Variants in BRINP3 observed in about 807,000 individuals in gnomAD.
BRINP3 encodes BMP/retinoic acid-inducible neural-specific protein 3.
A neutral mutation model predicts 71.0 loss-of-function variants in BRINP3; 19 were observed. The observed-to-expected ratio is 0.27, with a 90% CI of 0.19 to 0.39. The LOEUF (loss-of-function observed/expected upper bound fraction) is 0.39. Among genes scored for constraint, BRINP3 ranks in the 10% least tolerant of loss-of-function variants. BRINP3 has a pLI of 1.00. For missense variants in BRINP3, 959 were observed against 940.8 expected (o/e 1.02, Z -0.25); for synonymous variants, 380 against 337.7 (o/e 1.13, Z -1.37).
intron 4 of BRINP3, among the ~76,000 whole-genome samples, chr1:190,257,239 T>C (rs1571536937): frequency 6.6e-6 from 1 of 152,316 alleles, no homozygotes; most frequent in African/African-American, 2.4e-5. Context: ...ATTAATTTGA[T>C]CTTCAATCAT....
intron 2 of BRINP3, among the ~76,000 whole-genome samples, chr1:190,358,751 C>G (rs186085105): frequency 2.0e-5 from 3 of 151,996 alleles, no homozygotes; most frequent in African/African-American, 7.2e-5. Flanking sequence ...GCAAAGACTT[C>G]GGACCAACCC....
At chr1:190,350,975 A>G (rs1558207317) in intron 2 of BRINP3, among the ~76,000 whole-genome samples, 1 of 152,014 alleles carries the variant, frequency 6.6e-6, no homozygotes, top group African/African-American at 2.4e-5. Flanking sequence ...GGCATGTGCC[A>G]TCATGCCAGG....
chr1:190,468,716 G>A (rs1676930805), intron 1 of BRINP3, among the ~76,000 whole-genome samples: 1 of 151,066 alleles, frequency 6.6e-6, no homozygotes, highest in South Asian at 2.1e-4. Flanking sequence ...TTGCAAAATT[G>A]TATATCTTTT....
intron 4 of BRINP3, among the ~76,000 whole-genome samples, chr1:190,251,320 C>A (rs1340181355): frequency 6.6e-6 from 1 of 151,832 alleles, no homozygotes; most frequent in Non-Finnish European, 1.5e-5. Context: ...TTCTAAGCAC[C>A]TTAAAAATAT....
chr1:190,182,492 T>C (rs1653114108), intron 6 of BRINP3, among the ~76,000 whole-genome samples: 1 of 152,178 alleles, frequency 6.6e-6, no homozygotes, highest in Non-Finnish European at 1.5e-5. Context: ...TGTTCTGTTT[T>C]AGTTACAATT....
At chr1:190,369,794 T>C (rs1669743455) in intron 2 of BRINP3, among the ~76,000 whole-genome samples, 1 of 152,138 alleles carries the variant, frequency 6.6e-6, no homozygotes, top group African/African-American at 2.4e-5. Flanking sequence ...GACATAATGG[T>C]CAGATCTAAA....
At chr1:190,157,966 C>T (rs189642806) in intron 7 of BRINP3, among the ~76,000 whole-genome samples, 2 of 152,016 alleles carry the variant, frequency 1.3e-5, no homozygotes, top group African/African-American at 4.8e-5. Context: ...TTTGCAGTAA[C>T]ATGAATGCAG....
At chr1:190,187,229 G>T (rs571022945) in intron 6 of BRINP3, among the ~76,000 whole-genome samples, 1 of 152,056 alleles carries the variant, frequency 6.6e-6, no homozygotes, top group Non-Finnish European at 1.5e-5. Context: ...TGGCTAATTT[G>T]TTTTATTGCT....
intron 2 of BRINP3, among the ~76,000 whole-genome samples, chr1:190,367,742 C>T (rs34491475): frequency 0.016 from 2,499 of 152,258 alleles, 37 homozygotes; most frequent in Non-Finnish European, 0.025. Flanking sequence ...GGGCAAAATG[C>T]CACCAGTCTC....
intron 2 of BRINP3, among the ~76,000 whole-genome samples, chr1:190,450,574 T>G (rs1675539768): frequency 6.6e-6 from 1 of 152,168 alleles, no homozygotes; most frequent in Admixed American, 6.5e-5. Flanking sequence ...AAAACAACTC[T>G]TTATCAGTAA....
chr1:190,118,488 C>T (rs959046805), intron 7 of BRINP3, among the ~76,000 whole-genome samples: 1 of 152,116 alleles, frequency 6.6e-6, no homozygotes. Context: ...CTAAACATCT[C>T]GCCTTTATTA....
chr1:190,214,456 T>C (rs1656235436), intron 6 of BRINP3, among the ~76,000 whole-genome samples: 1 of 151,954 alleles, frequency 6.6e-6, no homozygotes, highest in Non-Finnish European at 1.5e-5. Context: ...AAACTGAATA[T>C]CTTGTGATTT....
intron 7 of BRINP3, among the ~76,000 whole-genome samples, chr1:190,119,205 A>C (rs112406783): frequency 6.6e-6 from 1 of 152,014 alleles, no homozygotes; most frequent in African/African-American, 2.4e-5. Flanking sequence ...AATAGTTTCC[A>C]AATCTTTAAA....
Position 190,403,973 on chromosome 1 carries a change from T to C in BRINP3, c.236+50682A>G, listed in dbSNP as rs1672103244. ...ACTGTATGAACTGTATGTGAATTTA[T>C]TTGGAATTTACAATATGCCAGATAA... On this transcript the variant is annotated intron_variant, in intron 2 of 7. Transcript: ENST00000367462. Among the ~76,000 whole-genome samples, 3 of 152,200 alleles carry C rather than the reference T, an allele frequency of 2.0e-5. 1 individual carries two copies. Among genetic ancestry groups the C allele is most frequent in the South Asian group, 2.1e-4 (1 of 4,836 alleles).
At chr1:190,455,005 G>C (rs1315541459) in intron 1 of BRINP3, 65 bp from the exon 2 acceptor site, 1 of 711,226 alleles carries the variant, frequency 1.4e-6, no homozygotes, top group African/African-American at 1.8e-5. Flanking sequence ...TTAAGGTGTT[G>C]AGGTGGCTAA....
intron 7 of BRINP3, among the ~76,000 whole-genome samples, chr1:190,150,532 T>C (rs1656298890): frequency 6.6e-6 from 1 of 152,204 alleles, no homozygotes; most frequent in African/African-American, 2.4e-5. Flanking sequence ...AATGATATCA[T>C]TTGTAAGATT....
At chr1:190,150,715 G>A (rs947542367) in intron 7 of BRINP3, among the ~76,000 whole-genome samples, 1 of 152,106 alleles carries the variant, frequency 6.6e-6, no homozygotes, top group African/African-American at 2.4e-5. Context: ...TGACAAAAAA[G>A]ATTCTCATAC....
intron 2 of BRINP3, among the ~76,000 whole-genome samples, chr1:190,292,485 C>CA (rs1475861880): frequency 6.6e-6 from 1 of 151,730 alleles, no homozygotes; most frequent in Non-Finnish European, 1.5e-5. Flanking sequence ...TTGCTCTCTA[C>CA]AAAAAAATAA....
chr1:190,314,190 T>G (rs1042343354), intron 2 of BRINP3, among the ~76,000 whole-genome samples: 1 of 152,094 alleles, frequency 6.6e-6, no homozygotes. Context: ...ATTGTAATTT[T>G]TTAATGGAGA....
Sources: allele counts gnomAD v4.1 joint callset (sites outside exome capture counted in the v4.1 genomes callset), GRCh38; gene constraint gnomAD v4.1.1; transcripts MANE v1.5; gene names NCBI Gene and HGNC (gene_info 2026-07-23, HGNC 2026-07-21).